The following MSMO1 variants were observed in gnomAD, a reference collection of about 807,000 sequenced individuals.
MSMO1 encodes C-4 methylsterol oxidase.
A neutral mutation model predicts 30.4 loss-of-function variants in MSMO1; 18 were observed. The ratio of observed to expected loss-of-function variants is 0.59; its 90% CI spans 0.41 to 0.88. The LOEUF (loss-of-function observed/expected upper bound fraction) is 0.88. MSMO1 is among the 40% of genes least tolerant of loss of function. MSMO1 has a pLI of 0.00. For missense variants in MSMO1, 284 were observed against 340.5 expected, an observed-to-expected ratio of 0.83 and a Z score of 1.31; for synonymous variants, 84 against 107.9, an observed-to-expected ratio of 0.78 and a Z score of 1.37.
chr4:165,333,300 C>A, intron 1 of MSMO1, 40 bp from the exon 2 acceptor site: 1 of 1,488,890 alleles, frequency 6.7e-7, no homozygotes, highest in Non-Finnish European at 9.2e-7. Context: ...TTTTTGAAAG[C>A]TCATTGTTTA....
intron 5 of MSMO1, among the ~76,000 whole-genome samples, chr4:165,341,340 G>C (rs971425505): frequency 2.6e-5 from 4 of 152,062 alleles, no homozygotes; most frequent in South Asian, 4.1e-4. Flanking sequence ...TTTAATACTT[G>C]ATACTAATTT....
At chr4:165,337,747 A>C in intron 2 of MSMO1, 42 bp from the exon 3 acceptor site, 2 of 1,601,862 alleles carry the variant, frequency 1.2e-6, no homozygotes, top group Non-Finnish European at 1.7e-6. Flanking sequence ...TTAAACTCTG[A>C]TAGCAGAGAC....
rs1485705057 is a variant in MSMO1 at position 165,341,873 on chromosome 4, G to A, written c.809G>A (p.Arg270Gln). 12 of 1,613,234 alleles carry A rather than the reference G, an allele frequency of 7.4e-6. No individual in the cohort carries two copies. The highest frequency in any genetic ancestry group is 3.3e-5 in the Admixed American group (2 of 59,986). ...NYASTFTWWD[R>Q]IFGTDSQYNA... ...GCTTCAACATTTACATGGTGGGATC[G>A]AATTTTTGGAACAGACTCTCAGTAT... is the stretch of plus-strand genomic sequence containing the variant. The change falls in exon 6 of 6, where the codon CGA becomes CAA. Residue 270 changes from arginine to glutamine, a missense_variant. Coordinates refer to ENST00000261507, the MANE Select transcript of MSMO1 (RefSeq NM_006745.5).
chr4:165,335,616 A>C (rs1419762977), intron 2 of MSMO1, among the ~76,000 whole-genome samples: 1 of 152,150 alleles, frequency 6.6e-6, no homozygotes, highest in Non-Finnish European at 1.5e-5. Context: ...TTTCTCCTTC[A>C]CTGCAGTTTG....
Position 165,329,625 on chromosome 4 carries a change from ATTT to A in MSMO1, c.-32+1886_-32+1888del, listed in dbSNP as rs1171733863. Among the ~76,000 whole-genome samples, 13 of 68,002 alleles carry A rather than the reference ATTT, an allele frequency of 1.9e-4. No individual in the cohort carries two copies. The East Asian group carries it at 3.5e-3, about 18-fold the overall frequency. The allele number at this position is 68,002 out of a possible 152,430, so 44.6% of individuals were successfully genotyped here. A position where few individuals can be genotyped will look rare whatever the true frequency, so the allele number is the denominator to read the frequency against. Reference sequence around the variant, plus strand: ...ATTTGGCAGCTGGAGATCCATAGCGATTTTTTTTTTTTTTTTTTTTTTTTTTTG... The same window carrying A: ...ATTTGGCAGCTGGAGATCCATAGCGATTTTTTTTTTTTTTTTTTTTTTTTG... On this transcript the variant is annotated intron_variant, in intron 1 of 5. Transcript: ENST00000261507.
intron 5 of MSMO1, among the ~76,000 whole-genome samples, 179 bp from the exon 6 acceptor site, chr4:165,341,572 G>T (rs560856729): frequency 1.3e-5 from 2 of 151,702 alleles, no homozygotes; most frequent in East Asian, 3.9e-4. Context: ...TTCTTAGAGT[G>T]GTTTCTAGAA....
At chr4:165,331,173 G>T (rs1747378493) in intron 1 of MSMO1, among the ~76,000 whole-genome samples, 1 of 151,990 alleles carries the variant, frequency 6.6e-6, no homozygotes, top group African/African-American at 2.4e-5. Flanking sequence ...AGGCGTGGTG[G>T]CATGTGCCTG....
chr4:165,335,730 G>T (rs759370724), intron 2 of MSMO1, among the ~76,000 whole-genome samples: 3 of 152,194 alleles, frequency 2.0e-5, no homozygotes, highest in Non-Finnish European at 4.4e-5. Flanking sequence ...GCAAAGGAAA[G>T]AATAAGCTGT....
At chr4:165,339,268 C>T (rs150875061) in intron 4 of MSMO1, among the ~76,000 whole-genome samples, 6,514 of 152,018 alleles carry the variant, frequency 0.043, 204 homozygotes, top group Non-Finnish European at 0.062. Context: ...CCACGCGTGG[C>T]TAATTTTGTA....
At chr4:165,328,817 A>G (rs946342131) in intron 1 of MSMO1, among the ~76,000 whole-genome samples, 2 of 152,236 alleles carry the variant, frequency 1.3e-5, no homozygotes, top group Non-Finnish European at 2.9e-5. Context: ...TAACTAAACC[A>G]AGTGTTTCTA....
Position 165,340,514 on chromosome 4 carries a change from G to T in MSMO1, c.686+139G>T, listed in dbSNP as rs1283236603. ...TTATATTAAGAAAACATAACTGTTGGATAAAAGTTTAAATAATAGATGTTT... is the reference window on the plus strand; with the variant it reads ...TTATATTAAGAAAACATAACTGTTGTATAAAAGTTTAAATAATAGATGTTT... On this transcript the variant is annotated intron_variant, in intron 5 of 5. Transcript: ENST00000261507. 8 of 752,524 alleles carry T rather than the reference G, an allele frequency of 1.1e-5. No homozygotes were observed. In the East Asian group the frequency reaches 1.9e-4, roughly 18 times the overall value. The allele number at this position is 752,524 out of a possible 1,614,324, so 46.6% of individuals were successfully genotyped here. A position where few individuals can be genotyped will look rare whatever the true frequency, so the allele number is the denominator to read the frequency against.
At chr4:165,338,589 T>A in intron 3 of MSMO1, 63 bp from the exon 4 acceptor site, 2 of 1,465,910 alleles carry the variant, frequency 1.4e-6, no homozygotes, top group Non-Finnish European at 9.6e-7. Flanking sequence ...TGATCCCAAC[T>A]AAAAGTCTGG....
At chr4:165,334,225 A>G (rs1207225969) in intron 2 of MSMO1, among the ~76,000 whole-genome samples, 5 of 152,218 alleles carry the variant, frequency 3.3e-5, no homozygotes, top group African/African-American at 1.2e-4. Context: ...TAGACTAGCC[A>G]TGTTTAAAGT....
rs898935505 is a variant in MSMO1 at position 165,334,063 on chromosome 4, G to A, written c.255+438G>A. 4.6e-5 allele frequency among the ~76,000 whole-genome samples: 7 copies of A among 152,254 alleles called. No homozygotes were observed. The South Asian group carries it at 8.3e-4, about 18-fold the overall frequency. On this transcript the variant is annotated intron_variant, in intron 2 of 5. Transcript: ENST00000261507. ...TGCAGCACTATACTCTAGCATAGGCGACAGAGTGAGACCTTGTCTCAAAAA... is the reference window on the plus strand; with the variant it reads ...TGCAGCACTATACTCTAGCATAGGCAACAGAGTGAGACCTTGTCTCAAAAA...
intron 4 of MSMO1, 69 bp downstream of exon 4, chr4:165,338,847 T>G: frequency 7.4e-7 from 1 of 1,342,430 alleles, no homozygotes; most frequent in Non-Finnish European, 1.0e-6. Context: ...CTGAGCATTT[T>G]TCTAAAATTG....
chr4:165,340,474 T>C (rs991036124), intron 5 of MSMO1, 99 bp downstream of exon 5: 6 of 973,460 alleles, frequency 6.2e-6, no homozygotes, highest in Non-Finnish European at 9.5e-6. Context: ...ATAGGAGAAG[T>C]TAATCTTCTT....
At chr4:165,338,509 T>G in intron 3 of MSMO1, 143 bp from the exon 4 acceptor site, 1 of 679,184 alleles carries the variant, frequency 1.5e-6, no homozygotes, top group South Asian at 1.9e-5. Flanking sequence ...TTTGAGAATT[T>G]ATTTATGAAT....
chr4:165,339,889 C>T (rs72701628), intron 4 of MSMO1, among the ~76,000 whole-genome samples: 9,450 of 152,160 alleles, frequency 0.062, 342 homozygotes, highest in African/African-American at 0.076. Context: ...AGAATTGTTG[C>T]AGCCTTGGGT....
rs113230889 is a variant in MSMO1, at chr4:165,342,649, G to C, written c.*703G>C. On this transcript the variant is annotated 3_prime_UTR_variant, in exon 6 of 6. Transcript: ENST00000261507. ...TGGGATTACAGGTGTAAGCCACTGC[G>C]CCCGGCCTTTTTAACTTTAAACATG... 8 of 152,172 alleles carry C rather than the reference G, an allele frequency of 5.3e-5. No individual in the cohort carries two copies. The highest frequency in any genetic ancestry group is 1.0e-4 in the Non-Finnish European group (7 of 68,104). 9.4% of individuals were successfully genotyped at this position (152,172 alleles called of 1,614,324 possible).
Sources: gnomAD v4.1 joint callset for allele counts (sites outside exome capture counted in the v4.1 genomes callset) on GRCh38, gnomAD v4.1.1 for gene constraint, MANE v1.5 for transcripts, NCBI Gene and HGNC (gene_info 2026-07-23, HGNC 2026-07-21) for gene names.